The following CSMD1 variants were observed in gnomAD, a reference collection of about 807,000 sequenced individuals.
The protein encoded by CSMD1 is CUB and sushi domain-containing protein 1.
A neutral mutation model predicts 417.5 loss-of-function variants in CSMD1; 213 were observed. That is an observed-to-expected ratio of 0.51 (90% CI 0.46 to 0.57). The LOEUF (loss-of-function observed/expected upper bound fraction) is 0.57. Ranked by LOEUF, CSMD1 falls within the 20% of genes least tolerant of loss-of-function variation. CSMD1 has a pLI of 0.00. For synonymous variants in CSMD1, 2,862 were observed against 1,736.8 expected (o/e 1.65, Z -16.11); for missense variants, 6,923 against 4,529.7 (o/e 1.53, Z -15.17).
intron 6 of CSMD1, among the ~76,000 whole-genome samples, chr8:3,744,469 A>C (rs1164584646): frequency 6.6e-6 from 1 of 150,968 alleles, no homozygotes; most frequent in East Asian, 2.0e-4. Context: ...GATTTTAACT[A>C]GGACTTCTAA....
chr8:4,117,565 G>C (rs1030432222), intron 3 of CSMD1, among the ~76,000 whole-genome samples: 2 of 152,192 alleles, frequency 1.3e-5, no homozygotes, highest in Non-Finnish European at 2.9e-5. Flanking sequence ...GCTAATAGCA[G>C]CTACAATAAA....
At chr8:3,293,266 C>A (rs1284647212) in intron 25 of CSMD1, among the ~76,000 whole-genome samples, 1 of 152,062 alleles carries the variant, frequency 6.6e-6, no homozygotes, top group African/African-American at 2.4e-5. Context: ...ACATTTTTTC[C>A]TTCATTTCAA....
At chr8:4,079,838 A>G (rs1419978375) in intron 3 of CSMD1, among the ~76,000 whole-genome samples, 1 of 152,178 alleles carries the variant, frequency 6.6e-6, no homozygotes, top group Non-Finnish European at 1.5e-5. Context: ...GTAGCCAGGG[A>G]TAATGGAATG....
chr8:4,897,908 T>A (rs1256284129), intron 1 of CSMD1, among the ~76,000 whole-genome samples: 1 of 152,142 alleles, frequency 6.6e-6, no homozygotes, highest in East Asian at 1.9e-4. Context: ...AGGCGTGGCT[T>A]TGTTAAGTGG....
At chr8:4,642,769 C>T (rs1803277053) in intron 1 of CSMD1, among the ~76,000 whole-genome samples, 1 of 152,136 alleles carries the variant, frequency 6.6e-6, no homozygotes, top group African/African-American at 2.4e-5. Flanking sequence ...TTGGGTAATG[C>T]TTTATGATGA....
intron 2 of CSMD1, among the ~76,000 whole-genome samples, chr8:4,555,066 G>T (rs1798029378): frequency 6.6e-6 from 1 of 152,200 alleles, no homozygotes; most frequent in African/African-American, 2.4e-5. Flanking sequence ...TTCCAAGTAG[G>T]CCATGGCAGG....
At chr8:4,833,985 A>T (rs541137437) in intron 1 of CSMD1, among the ~76,000 whole-genome samples, 3 of 152,298 alleles carry the variant, frequency 2.0e-5, no homozygotes, top group Admixed American at 6.5e-5. Context: ...AGAGTCTCTC[A>T]CAGGACCCCA....
In CSMD1 at chr8:3,488,697, C is replaced by T. The variant is rs73174891; in HGVS notation, c.1448+4926G>A. On this transcript the variant is annotated intron_variant, in intron 11 of 69. Coordinates refer to ENST00000635120, the MANE Select transcript of CSMD1 (RefSeq NM_033225.6). ...AATTATTTAAAGAATCAAGCAAGAA[C>T]GCTTCCAGATAAGAGGCCGGGAAAG... Among the ~76,000 whole-genome samples, 164 of 152,150 alleles carry T rather than the reference C, an allele frequency of 1.1e-3. 1 individual carries two copies. Among genetic ancestry groups the T allele is most frequent in the Non-Finnish European group, 1.9e-3 (128 of 68,018 alleles).
intron 1 of CSMD1, among the ~76,000 whole-genome samples, chr8:4,742,271 C>T (rs1478257641): frequency 6.6e-6 from 1 of 151,410 alleles, no homozygotes; most frequent in African/African-American, 2.4e-5. Context: ...ACCTCATGAT[C>T]CACCCGCCTC....
At chr8:4,738,818 C>A (rs1310289255) in intron 1 of CSMD1, among the ~76,000 whole-genome samples, 8 of 151,798 alleles carry the variant, frequency 5.3e-5, no homozygotes, top group Non-Finnish European at 1.0e-4. Context: ...CTGAGTTCAA[C>A]TACAGATGGA....
rs908432008 is a variant in CSMD1 at position 3,855,040 on chromosome 8, T to A, written c.819-100998A>T. On this transcript the variant is annotated intron_variant, in intron 5 of 69. Coordinates refer to ENST00000635120, the MANE Select transcript of CSMD1 (RefSeq NM_033225.6). ...GGAAATAAACACAAAAACATGCATATGCAGAGAGCTTGAGAGAAATGAGAA... is the reference window on the plus strand; with the variant it reads ...GGAAATAAACACAAAAACATGCATAAGCAGAGAGCTTGAGAGAAATGAGAA... 2.0e-5 allele frequency among the ~76,000 whole-genome samples: 3 copies of A among 152,116 alleles called. No homozygotes were observed. In the East Asian group the frequency reaches 5.8e-4, roughly 29 times the overall value.
At chr8:3,994,610 G>C (rs1585098268) in intron 5 of CSMD1, among the ~76,000 whole-genome samples, 1 of 151,768 alleles carries the variant, frequency 6.6e-6, no homozygotes, top group South Asian at 2.1e-4. Flanking sequence ...CATGAAATTA[G>C]AATCCGACTA....
At chr8:4,697,228 T>C (rs1178393967) in intron 1 of CSMD1, among the ~76,000 whole-genome samples, 3 of 152,070 alleles carry the variant, frequency 2.0e-5, no homozygotes, top group African/African-American at 2.4e-5. Context: ...TTATTTTTGA[T>C]TCTAGAACAG....
intron 3 of CSMD1, among the ~76,000 whole-genome samples, chr8:4,301,579 T>C (rs913624282): frequency 6.6e-6 from 1 of 152,218 alleles, no homozygotes; most frequent in East Asian, 1.9e-4. Flanking sequence ...TGCTCAATTA[T>C]TATTTTTTTG....
intron 2 of CSMD1, among the ~76,000 whole-genome samples, chr8:4,464,090 G>C (rs7822968): frequency 0.16 from 24,344 of 151,968 alleles, 2,078 homozygotes; most frequent in Middle Eastern, 0.19. Context: ...AGGTTTCTCA[G>C]TTTTCTAAAA....
intron 5 of CSMD1, among the ~76,000 whole-genome samples, chr8:3,790,534 A>G (rs2720814): frequency 1 from 151,592 of 152,318 alleles, 75,435 homozygotes; most frequent in Middle Eastern, 1. Context: ...TGATGGTGAT[A>G]ATAACAACAG....
chr8:4,220,218 C>T (rs1192419012), intron 3 of CSMD1, among the ~76,000 whole-genome samples: 4 of 152,090 alleles, frequency 2.6e-5, no homozygotes, highest in South Asian at 2.1e-4. Flanking sequence ...CTCAGAGTGC[C>T]GGGATTAGAG....
chr8:4,510,420 A>AAAAAAAAAAAAAAC (rs1802758314), intron 2 of CSMD1, among the ~76,000 whole-genome samples: 1 of 112,666 alleles, frequency 8.9e-6, no homozygotes, highest in African/African-American at 3.2e-5. Context: ...AAAAAAAAAA[A>AAAAAAAAAAAAAAC]AAGCAAATAC....
intron 1 of CSMD1, among the ~76,000 whole-genome samples, chr8:4,765,276 T>G (rs1184761196): frequency 6.6e-6 from 1 of 152,166 alleles, no homozygotes; most frequent in African/African-American, 2.4e-5. Flanking sequence ...CACAAAGAGT[T>G]TAGCTATTAA....
Sources: allele counts gnomAD v4.1 joint callset (sites outside exome capture counted in the v4.1 genomes callset), GRCh38; gene constraint gnomAD v4.1.1; transcripts MANE v1.5; gene names NCBI Gene and HGNC (gene_info 2026-07-23, HGNC 2026-07-21).